The following METTL16 variants were observed in gnomAD, a reference collection of about 807,000 sequenced individuals.
The protein encoded by METTL16 is RNA N(6)-adenosine-methyltransferase METTL16.
METTL16 carries 19 observed loss-of-function variants against 57.9 expected under a neutral mutation model. The observed-to-expected ratio is 0.33, with a 90% CI of 0.23 to 0.48. The LOEUF (loss-of-function observed/expected upper bound fraction) is 0.48. METTL16 is among the 20% of genes least tolerant of loss of function. The pLI is 0.99. For missense variants in METTL16, 434 were observed against 691.5 expected, an observed-to-expected ratio of 0.63 and a Z score of 4.18; for synonymous variants, 246 against 255.6, an observed-to-expected ratio of 0.96 and a Z score of 0.36.
At chr17:2,439,907 G>T (rs2066934741) in intron 7 of METTL16, among the ~76,000 whole-genome samples, 1 of 152,144 alleles carries the variant, frequency 6.6e-6, no homozygotes, top group South Asian at 2.1e-4. Context: ...GTAGACACAG[G>T]TCAGGTGCAT....
Position 2,451,416 on chromosome 17 carries a change from C to T in METTL16, c.729-9857G>A, listed in dbSNP as rs137908384. ...GGAGGATCACTTGGGGTCAGGAGTT[C>T]GGGACCAGCCTGGCCAACATGGGAA... On this transcript the variant is annotated intron_variant, in intron 6 of 9. Transcript: ENST00000263092. Among the ~76,000 whole-genome samples the T allele has an allele frequency of 6.6e-3, 1,003 of 151,834 alleles. 11 individuals carry two copies. Among genetic ancestry groups the T allele is most frequent in the African/African-American group, 0.023 (950 of 41,384 alleles).
intron 8 of METTL16, among the ~76,000 whole-genome samples, chr17:2,430,687 G>C (rs1021450894): frequency 4.6e-5 from 7 of 151,670 alleles, no homozygotes; most frequent in African/African-American, 1.7e-4. Flanking sequence ...TAAAGTGCTG[G>C]GATTACAGGC....
intron 5 of METTL16, among the ~76,000 whole-genome samples, chr17:2,467,026 G>A (rs566559061): frequency 6.6e-6 from 1 of 151,832 alleles, no homozygotes; most frequent in South Asian, 2.1e-4. Context: ...GGCTGGTTTT[G>A]AACTCCGAGC....
chr17:2,424,902 C>T (rs918352375), intron 8 of METTL16, among the ~76,000 whole-genome samples: 16 of 151,754 alleles, frequency 1.1e-4, no homozygotes, highest in African/African-American at 3.6e-4. Flanking sequence ...GAGCAGAGAT[C>T]GCGCCACTGC....
At position 2,420,188 on chromosome 17, in the gene METTL16, C is replaced by T. The variant is rs1466178248; in HGVS notation, c.1471G>A (p.Glu491Lys). ...GGGCTGCCGAACTGCTCAGAAGCCT[C>T]TTGGTCCTGGGCTCCGTTGCTAGAG... is the stretch of plus-strand genomic sequence containing the variant. ...QGSSNGAQDQEASEQFGSPVA... is the reference protein window; with the variant it reads ...QGSSNGAQDQKASEQFGSPVA... Residue 491 changes from glutamate to lysine, a missense_variant, in exon 10 of 10, where the codon GAG becomes AAG. Around this residue, in one of 5 missense-constraint regions of METTL16, gnomAD observed 168 missense variants for 149.6 expected, o/e 1.12. Coordinates refer to ENST00000263092, the MANE Select transcript of METTL16 (RefSeq NM_024086.4). This position sits in a 1 kb window ranked among gnomAD's most constrained non-coding sequence, Gnocchi z 5.4. 6.2e-6 allele frequency: 10 copies of T among 1,614,118 alleles called. No individual in the cohort carries two copies. In the African/African-American group the frequency reaches 1.3e-4, roughly 22 times the overall value.
rs183523849 is a variant in METTL16, at chr17:2,457,775, T to C, written c.728+6433A>G. On this transcript the variant is annotated intron_variant, in intron 6 of 9. Transcript: ENST00000263092. The stretch of plus-strand genomic sequence containing the variant: ...TCCACTATTATTATTATGTCAAATA[T>C]GTATTCATTTAATTCTATAACCACT... Among the ~76,000 whole-genome samples, 5 of 152,028 alleles carry C rather than the reference T, an allele frequency of 3.3e-5. No homozygotes were observed. The East Asian group carries it at 9.7e-4, about 29-fold the overall frequency.
At chr17:2,468,057 T>C (rs903104480) in intron 4 of METTL16, among the ~76,000 whole-genome samples, 181 bp from the exon 5 acceptor site, 3 of 152,224 alleles carry the variant, frequency 2.0e-5, no homozygotes, top group Non-Finnish European at 4.4e-5. Context: ...ACAAATACCA[T>C]TGTGCTAAAA....
intron 8 of METTL16, among the ~76,000 whole-genome samples, chr17:2,432,090 G>A (rs558509656): frequency 9.9e-5 from 15 of 152,076 alleles, no homozygotes; most frequent in East Asian, 7.7e-4. Flanking sequence ...GACTATAGGC[G>A]CGCACCACCA....
chr17:2,432,752 T>C (rs2151545952), intron 8 of METTL16, among the ~76,000 whole-genome samples: 1 of 152,034 alleles, frequency 6.6e-6, no homozygotes, highest in South Asian at 2.1e-4. Flanking sequence ...GAGTAACAAA[T>C]ACAGGGGCAG....
chr17:2,443,925 A>G (rs970880011), intron 6 of METTL16, among the ~76,000 whole-genome samples: 6 of 152,246 alleles, frequency 3.9e-5, no homozygotes, highest in African/African-American at 1.2e-4. Context: ...ACAAAGTTTC[A>G]GACAGCAGGA....
chr17:2,509,866 T>A (rs541811760), intron 1 of METTL16, among the ~76,000 whole-genome samples: 1 of 149,450 alleles, frequency 6.7e-6, no homozygotes, highest in Non-Finnish European at 1.5e-5. Context: ...TGAGCCAAGA[T>A]CACGCCACTG....
At chr17:2,422,337 G>GA (rs56736695) in intron 8 of METTL16, among the ~76,000 whole-genome samples, 61,399 of 135,740 alleles carry the variant, frequency 0.45, 16,548 homozygotes, top group African/African-American at 0.79. Context: ...CTCCGTTTTA[G>GA]AAAAAAAAAA....
chr17:2,506,420 C>A (rs567538111), intron 1 of METTL16, among the ~76,000 whole-genome samples: 2 of 152,024 alleles, frequency 1.3e-5, no homozygotes, highest in South Asian at 4.2e-4. Flanking sequence ...CGAGTGCCTG[C>A]GATTGCAGGC....
chr17:2,466,634 T>TGAGC (rs2067198885), intron 5 of METTL16, among the ~76,000 whole-genome samples: 1 of 152,180 alleles, frequency 6.6e-6, no homozygotes, highest in African/African-American at 2.4e-5. Context: ...TCAAGTCCCT[T>TGAGC]TTATCACATG....
rs757504024 is a variant in METTL16, at chr17:2,426,825, C to T, written c.889-5921G>A. Among the ~76,000 whole-genome samples the T allele has an allele frequency of 1.3e-4, 19 of 150,286 alleles. No individual in the cohort carries two copies. The South Asian group carries it at 1.5e-3, about 12-fold the overall frequency. Reference sequence around the variant, plus strand: ...AAGAAGGAATGATTATAAATACATACGTGTATTTCTTTGAATTTGAAAAAA... The same window carrying T: ...AAGAAGGAATGATTATAAATACATATGTGTATTTCTTTGAATTTGAAAAAA... On this transcript the variant is annotated intron_variant, in intron 8 of 9. Coordinates refer to ENST00000263092, the MANE Select transcript of METTL16 (RefSeq NM_024086.4).
intron 8 of METTL16, among the ~76,000 whole-genome samples, chr17:2,428,638 TG>T (rs1300264230): frequency 4.8e-4 from 63 of 130,424 alleles, no homozygotes; most frequent in African/African-American, 1.7e-3. Flanking sequence ...GGCTCACACC[TG>T]TAATCTCAGC....
chr17:2,503,518 C>T (rs2067505743), intron 1 of METTL16, among the ~76,000 whole-genome samples: 6 of 151,618 alleles, frequency 4.0e-5, no homozygotes, highest in African/African-American at 1.5e-4. Flanking sequence ...TATGGGTCAA[C>T]AAAATACAGT....
chr17:2,470,769 C>T (rs1213020809), intron 4 of METTL16, among the ~76,000 whole-genome samples: 1 of 152,188 alleles, frequency 6.6e-6, no homozygotes, highest in East Asian at 1.9e-4. Flanking sequence ...CACTACACTC[C>T]AGCCTGGGTG....
In METTL16 at chr17:2,420,843, A is replaced by T. The variant is rs2151682405; in HGVS notation, c.950T>A (p.Leu317Gln). 6.2e-7 allele frequency: 1 copy of T among 1,614,228 alleles called. No homozygotes were observed. The highest frequency in any genetic ancestry group is 2.2e-5 in the East Asian group (1 of 44,886). ...GGATAATTCCTTCATCACGGACGCC[A>T]GCACCACGAATGTTATGGGTTTTCT... is the stretch of plus-strand genomic sequence containing the variant. ...KPRKPITFVVLASVMKELSLK... is the reference protein window; with the variant it reads ...KPRKPITFVVQASVMKELSLK... Residue 317 changes from leucine to glutamine, a missense_variant, in exon 9 of 10, where the codon CTG (leucine) becomes CAG (glutamine). Transcript: ENST00000263092. This position sits in a 1 kb window ranked among gnomAD's most constrained non-coding sequence, Gnocchi z 5.4.
Sources: allele counts gnomAD v4.1 joint callset (sites outside exome capture counted in the v4.1 genomes callset), GRCh38; gene constraint gnomAD v4.1.1; regional missense constraint gnomAD v4.1.1; non-coding constraint Gnocchi (gnomAD v3.1); transcripts MANE v1.5; gene names NCBI Gene and HGNC (gene_info 2026-07-23, HGNC 2026-07-21).